The following GRK5 variants were observed in gnomAD, a reference collection of about 807,000 sequenced individuals.
GRK5 encodes the protein g protein-coupled receptor kinase GRK5.
A neutral mutation model predicts 78.4 loss-of-function variants in GRK5; 40 were observed. That is an observed-to-expected ratio of 0.51 (90% confidence interval 0.40 to 0.66). The LOEUF is 0.66. GRK5 is among the 30% of genes least tolerant of loss of function. GRK5 has a pLI of 0.00. For missense variants in GRK5, 598 were observed against 759.9 expected (o/e 0.79, Z 2.50); for synonymous variants, 289 against 296.8 (o/e 0.97, Z 0.27).
At chr10:119,262,693 T>G (rs1396216741) in intron 1 of GRK5, among the ~76,000 whole-genome samples, 1 of 152,160 alleles carries the variant, frequency 6.6e-6, no homozygotes, top group Non-Finnish European at 1.5e-5. Flanking sequence ...GACCAAGAGA[T>G]GCCTGATTAA....
At chr10:119,283,135 T>G (rs1334826949) in intron 1 of GRK5, among the ~76,000 whole-genome samples, 2 of 152,162 alleles carry the variant, frequency 1.3e-5, no homozygotes, top group Non-Finnish European at 2.9e-5. Context: ...AATATTATGG[T>G]ATTTTAAACT....
intron 2 of GRK5, among the ~76,000 whole-genome samples, chr10:119,359,647 G>A (rs1851326306): frequency 6.6e-6 from 1 of 152,224 alleles, no homozygotes; most frequent in East Asian, 1.9e-4. Context: ...GATGAACTAA[G>A]TTGGGACTGC....
intron 6 of GRK5, among the ~76,000 whole-genome samples, chr10:119,428,908 C>T (rs1852757130): frequency 6.6e-6 from 1 of 152,238 alleles, no homozygotes; most frequent in African/African-American, 2.4e-5. Context: ...GCATTCCACT[C>T]ATTTCCCCCA....
intron 13 of GRK5, among the ~76,000 whole-genome samples, chr10:119,448,858 G>A (rs1456440170): frequency 2.0e-5 from 3 of 152,142 alleles, no homozygotes; most frequent in South Asian, 2.1e-4. Context: ...CCCCTACATG[G>A]TCTATAAATC....
chr10:119,301,204 C>T (rs944751143), intron 1 of GRK5, among the ~76,000 whole-genome samples: 2 of 152,192 alleles, frequency 1.3e-5, no homozygotes, highest in Admixed American at 1.3e-4. Flanking sequence ...TCAAGAAGCA[C>T]GTCATCTACA....
Position 119,314,960 on chromosome 10 carries a change from C to T in GRK5, c.53-11556C>T, listed in dbSNP as rs188615276. ...GAAGGTGAGAGCCATAGAGACAGAA[C>T]GAGACCCTTGGCCTGTATCTGCCCC... On this transcript the variant is annotated intron_variant, in intron 1 of 15. Transcript: ENST00000392870. Among the ~76,000 whole-genome samples the T allele has an allele frequency of 1.1e-4, 17 of 152,300 alleles. No individual in the cohort carries two copies. In the East Asian group the frequency reaches 1.2e-3, roughly 10 times the overall value.
In GRK5 at chr10:119,453,048, C is replaced by T. The variant is rs1302578876; in HGVS notation, c.1543-97C>T. The T allele has an allele frequency of 4.5e-6, 4 of 882,950 alleles. No individual in the cohort carries two copies. In the Admixed American group the frequency reaches 5.2e-5, roughly 11 times the overall value. 54.7% of individuals were successfully genotyped at this position (882,950 alleles called of 1,614,324 possible). On this transcript the variant is annotated intron_variant, in intron 14 of 15. Coordinates refer to ENST00000392870, the MANE Select transcript of GRK5 (RefSeq NM_005308.3). ...ACCTGGAGGGCGTGTGGCTCAGGGGCAGGTGAGGCCAGGGGAGGGAGCCCC... is the reference window on the plus strand; with the variant it reads ...ACCTGGAGGGCGTGTGGCTCAGGGGTAGGTGAGGCCAGGGGAGGGAGCCCC...
chr10:119,312,691 G>A (rs1850380152), intron 1 of GRK5, among the ~76,000 whole-genome samples: 1 of 152,212 alleles, frequency 6.6e-6, no homozygotes. Flanking sequence ...GAATCATGGT[G>A]CCCCTGTGAG....
intron 1 of GRK5, among the ~76,000 whole-genome samples, chr10:119,322,431 G>A (rs1276889347): frequency 3.9e-5 from 6 of 152,338 alleles, no homozygotes; most frequent in East Asian, 1.9e-4. Context: ...GGAGGCCGTC[G>A]CTGGGGTTGG....
At chr10:119,424,927 A>T (rs1380581476) in intron 5 of GRK5, 66 bp from the exon 6 acceptor site, 1 of 1,147,726 alleles carries the variant, frequency 8.7e-7, no homozygotes, top group Non-Finnish European at 1.3e-6. Flanking sequence ...AGCTGGACAC[A>T]GCTTTGCCCC....
intron 2 of GRK5, among the ~76,000 whole-genome samples, chr10:119,365,045 A>G (rs1358702432): frequency 6.6e-6 from 1 of 152,106 alleles, no homozygotes; most frequent in African/African-American, 2.4e-5. Flanking sequence ...CAAGCCTGGC[A>G]GTTGGAGGGA....
intron 2 of GRK5, among the ~76,000 whole-genome samples, chr10:119,374,497 C>T (rs1468548119): frequency 2.6e-5 from 4 of 152,202 alleles, no homozygotes; most frequent in South Asian, 4.1e-4. Context: ...TGTTGGTTGA[C>T]GTACCCTCTG....
In GRK5 at chr10:119,378,697, G is replaced by T. The variant is rs534104312; in HGVS notation, c.149-2118G>T. ...GCGCCTCCGTGGGCTCTCGCTGCGT[G>T]GGGGGAAGGCGGTCTCAGCAGCCCT... On this transcript the variant is annotated intron_variant, in intron 2 of 15. Coordinates refer to ENST00000392870, the MANE Select transcript of GRK5 (RefSeq NM_005308.3). This position sits in a 1 kb window ranked among gnomAD's most constrained non-coding sequence, Gnocchi z 4.5. 6.6e-6 allele frequency among the ~76,000 whole-genome samples: 1 copy of T among 152,362 alleles called. No individual in the cohort carries two copies. Among genetic ancestry groups the T allele is most frequent in the South Asian group, 2.1e-4 (1 of 4,830 alleles).
At chr10:119,451,264 A>G (rs932591665) in intron 13 of GRK5, among the ~76,000 whole-genome samples, 1 of 151,936 alleles carries the variant, frequency 6.6e-6, no homozygotes, top group African/African-American at 2.4e-5. Context: ...AATAAAAATC[A>G]ATGTATTTTA....
intron 1 of GRK5, among the ~76,000 whole-genome samples, chr10:119,263,786 C>T (rs1185085407): frequency 3.3e-5 from 5 of 151,876 alleles, no homozygotes; most frequent in Non-Finnish European, 5.9e-5. Context: ...ATTAGCCGGG[C>T]GTGGTGGCGG....
chr10:119,423,295 T>G, intron 5 of GRK5, 29 bp downstream of exon 5: 1 of 1,516,124 alleles, frequency 6.6e-7, no homozygotes, highest in Non-Finnish European at 9.2e-7. Context: ...TGGCCTGTCC[T>G]CCCCGGGCTG....
chr10:119,355,288 A>T (rs1851248090), intron 2 of GRK5, among the ~76,000 whole-genome samples: 3 of 152,206 alleles, frequency 2.0e-5, no homozygotes, highest in Admixed American at 2.0e-4. Flanking sequence ...GTTGATGAAC[A>T]CTTAGATTGT....
At chr10:119,262,329 G>GTTT (rs149424799) in intron 1 of GRK5, among the ~76,000 whole-genome samples, 1 of 67,544 alleles carries the variant, frequency 1.5e-5, no homozygotes, top group African/African-American at 5.4e-5. Context: ...TTAACTTTGG[G>GTTT]TTTTTTTTTT....
chr10:119,353,771 T>C (rs568528413), intron 2 of GRK5, among the ~76,000 whole-genome samples: 13 of 152,292 alleles, frequency 8.5e-5, no homozygotes, highest in African/African-American at 2.9e-4. Context: ...GCATTATTTT[T>C]AGCAATGACA....
Sources: allele counts gnomAD v4.1 joint callset (sites outside exome capture counted in the v4.1 genomes callset), GRCh38; gene constraint gnomAD v4.1.1; non-coding constraint Gnocchi (gnomAD v3.1); transcripts MANE v1.5; gene names NCBI Gene and HGNC (gene_info 2026-07-23, HGNC 2026-07-21).